Variants in MGAT5 observed in about 807,000 individuals in gnomAD.
MGAT5 encodes alpha-1,6-mannosylglycoprotein 6-beta-N-acetylglucosaminyltransferase A.
MGAT5 carries 30 observed loss-of-function variants against 94.3 expected under a neutral mutation model. The ratio of observed to expected loss-of-function variants is 0.32; its 90% CI spans 0.24 to 0.43. MGAT5 has a LOEUF of 0.43. MGAT5 is among the 20% of genes least tolerant of loss of function. The pLI is 1.00. For missense variants in MGAT5, 691 were observed against 905.5 expected (o/e 0.76, Z 3.04); for synonymous variants, 310 against 322.9 (o/e 0.96, Z 0.43).
chr2:134,394,655 T>G (rs1174803957), intron 10 of MGAT5, among the ~76,000 whole-genome samples: 1 of 152,240 alleles, frequency 6.6e-6, no homozygotes, highest in East Asian at 1.9e-4. Context: ...GATTGGGTGG[T>G]ACTTGGCCTC....
At chr2:134,312,254 A>C (rs75446940) in intron 2 of MGAT5, among the ~76,000 whole-genome samples, 1 of 151,590 alleles carries the variant, frequency 6.6e-6, no homozygotes, top group East Asian at 1.9e-4. Flanking sequence ...ACAAAACAAC[A>C]AAAAAAAATC....
intron 9 of MGAT5, among the ~76,000 whole-genome samples, chr2:134,359,853 G>A (rs550972142): frequency 6.6e-6 from 1 of 152,292 alleles, no homozygotes; most frequent in East Asian, 1.9e-4. Flanking sequence ...GTTACCGGGT[G>A]GGCTCCAGCT....
At chr2:134,180,737 C>T (rs1039058602) in intron 1 of MGAT5, among the ~76,000 whole-genome samples, 2 of 152,100 alleles carry the variant, frequency 1.3e-5, no homozygotes, top group Non-Finnish European at 2.9e-5. Context: ...AATGTTAGAA[C>T]TGTGTGTAAA....
At chr2:134,206,652 A>G (rs1234751663) in intron 1 of MGAT5, among the ~76,000 whole-genome samples, 2 of 152,188 alleles carry the variant, frequency 1.3e-5, no homozygotes, top group African/African-American at 4.8e-5. Flanking sequence ...AGATAGGGCA[A>G]TTATCGTGGA....
intron 1 of MGAT5, among the ~76,000 whole-genome samples, chr2:134,188,483 A>C (rs1689157478): frequency 6.6e-6 from 1 of 152,268 alleles, no homozygotes; most frequent in African/African-American, 2.4e-5. Context: ...TGATTGAGTT[A>C]ATACATGTGG....
At chr2:134,193,846 A>C (rs942772525) in intron 1 of MGAT5, among the ~76,000 whole-genome samples, 6 of 152,026 alleles carry the variant, frequency 3.9e-5, no homozygotes, top group Admixed American at 3.3e-4. Flanking sequence ...CAGGCCTGTT[A>C]AATCTTCCTG....
At chr2:134,444,762 A>G (rs1436566619) in intron 15 of MGAT5, among the ~76,000 whole-genome samples, 1 of 152,216 alleles carries the variant, frequency 6.6e-6, no homozygotes, top group Non-Finnish European at 1.5e-5. Flanking sequence ...ACATCAGGGG[A>G]ACCCTTTGGA....
At chr2:134,420,934 C>T (rs1684254536) in intron 12 of MGAT5, among the ~76,000 whole-genome samples, 1 of 152,176 alleles carries the variant, frequency 6.6e-6, no homozygotes, top group Non-Finnish European at 1.5e-5. Flanking sequence ...ACTATGATGC[C>T]TTGTTTCTCC....
chr2:134,313,505 G>A (rs1176753555), intron 2 of MGAT5, among the ~76,000 whole-genome samples: 4 of 152,126 alleles, frequency 2.6e-5, no homozygotes, highest in African/African-American at 7.2e-5. Flanking sequence ...GGGGAAAGAT[G>A]TTGCAACCTG....
At chr2:134,371,962 C>A (rs1680835420) in intron 10 of MGAT5, among the ~76,000 whole-genome samples, 2 of 135,362 alleles carry the variant, frequency 1.5e-5, no homozygotes, top group Admixed American at 1.5e-4. Flanking sequence ...AAAAAAAAAA[C>A]CTTGCCTGAT....
At chr2:134,381,653 A>G (rs1457534613) in intron 10 of MGAT5, among the ~76,000 whole-genome samples, 3 of 152,172 alleles carry the variant, frequency 2.0e-5, no homozygotes, top group African/African-American at 4.8e-5. Flanking sequence ...GAGATTAGAT[A>G]GAATCATTAT....
intron 7 of MGAT5, among the ~76,000 whole-genome samples, chr2:134,343,425 TAA>T (rs1688743690): frequency 6.6e-6 from 1 of 152,226 alleles, no homozygotes; most frequent in Non-Finnish European, 1.5e-5. Flanking sequence ...AGTGAGGACT[TAA>T]TTCTAGTAGT....
chr2:134,317,906 G>A (rs1054844153), intron 3 of MGAT5, among the ~76,000 whole-genome samples: 1 of 152,162 alleles, frequency 6.6e-6, no homozygotes, highest in Non-Finnish European at 1.5e-5. Flanking sequence ...CCTCCAGCAA[G>A]TGATCCTTGA....
At chr2:134,148,230 C>T (rs964347478) in intron 1 of MGAT5, among the ~76,000 whole-genome samples, 6 of 152,342 alleles carry the variant, frequency 3.9e-5, no homozygotes, top group African/African-American at 1.2e-4. Context: ...GACACCTGCT[C>T]TGTCGCCTCT....
At chr2:134,419,442 T>TGTGTGTGTG (rs778375692) in intron 12 of MGAT5, among the ~76,000 whole-genome samples, 1 of 134,136 alleles carries the variant, frequency 7.5e-6, no homozygotes, top group Non-Finnish European at 1.6e-5. Flanking sequence ...GCTTCAGGGT[T>TGTGTGTGTG]TGTGTGTGTG....
At chr2:134,271,871 C>T (rs1177902458) in intron 2 of MGAT5, among the ~76,000 whole-genome samples, 1 of 152,160 alleles carries the variant, frequency 6.6e-6, no homozygotes, top group Non-Finnish European at 1.5e-5. Flanking sequence ...AACCATGCCT[C>T]TTCAGTCTCC....
Position 134,452,311 on chromosome 2 carries a change from C to G in MGAT5, c.*3464C>G, listed in dbSNP as rs1196365636. ...TCAACCAGCCTGTGTTCCCTGCCAC[C>G]CACGCACTTGCTGAGGTGTGGCTGA... On this transcript the variant is annotated 3_prime_UTR_variant, in exon 16 of 16. Coordinates refer to ENST00000281923, the MANE Select transcript of MGAT5 (RefSeq NM_002410.5). The G allele has an allele frequency of 3.3e-5, 5 of 152,194 alleles. No homozygotes were observed. Among genetic ancestry groups the G allele is most frequent in the African/African-American group, 4.8e-5 (2 of 41,442 alleles). 9.4% of individuals were successfully genotyped at this position (152,194 alleles called of 1,614,324 possible). A position where few individuals can be genotyped will look rare whatever the true frequency, so the allele number is the denominator to read the frequency against.
chr2:134,343,917 C>T (rs1688774676), intron 7 of MGAT5, among the ~76,000 whole-genome samples: 1 of 149,736 alleles, frequency 6.7e-6, no homozygotes, highest in South Asian at 2.1e-4. Flanking sequence ...ACTGTCTGGC[C>T]CTTAACAGAA....
chr2:134,138,646 C>T (rs766246586), intron 1 of MGAT5, among the ~76,000 whole-genome samples: 1 of 152,174 alleles, frequency 6.6e-6, no homozygotes, highest in Non-Finnish European at 1.5e-5. Context: ...AATACTGGGT[C>T]CTCCTGTTAC....
Sources: gnomAD v4.1 joint callset for allele counts (sites outside exome capture counted in the v4.1 genomes callset) on GRCh38, gnomAD v4.1.1 for gene constraint, MANE v1.5 for transcripts, NCBI Gene and HGNC (gene_info 2026-07-23, HGNC 2026-07-21) for gene names.